UGT2A2: variants seen among roughly 807,000 people sequenced by gnomAD.
UGT2A2 encodes UDP glucuronosyltransferase family 2 member A2.
A neutral mutation model predicts 50.7 loss-of-function variants in UGT2A2; 60 were observed. The ratio of observed to expected loss-of-function variants is 1.18; its 90% confidence interval spans 0.96 to 1.47. The LOEUF (loss-of-function observed/expected upper bound fraction) is 1.47. Ranked by LOEUF, UGT2A2 falls within the 40% of genes most tolerant of loss-of-function variation. The pLI is 0.00. For synonymous variants in UGT2A2, 242 were observed against 214.6 expected (o/e 1.13, Z -1.11); for missense variants, 762 against 634.0 (o/e 1.20, Z -2.17).
At chr4:69,621,760 A>G (rs1194927549) in intron 1 of UGT2A2, among the ~76,000 whole-genome samples, 2 of 152,002 alleles carry the variant, frequency 1.3e-5, no homozygotes, top group African/African-American at 4.8e-5. Flanking sequence ...CTAAATGCCT[A>G]TCAACGACAG....
At chr4:69,596,412 G>A (rs1467387683) in intron 2 of UGT2A2, 31 bp from the exon 3 acceptor site, 3 of 1,471,630 alleles carry the variant, frequency 2.0e-6, no homozygotes, top group South Asian at 1.5e-5. Context: ...CTATTACAAA[G>A]GTGTAGCATC....
intron 1 of UGT2A2, among the ~76,000 whole-genome samples, chr4:69,608,949 C>A (rs1285308447): frequency 1.3e-5 from 2 of 151,992 alleles, no homozygotes; most frequent in African/African-American, 4.8e-5. Flanking sequence ...GCATAAAAAT[C>A]CTTTTTTTAA....
chr4:69,591,070 C>T (rs1302351100), intron 5 of UGT2A2, among the ~76,000 whole-genome samples: 1 of 152,040 alleles, frequency 6.6e-6, no homozygotes, highest in Non-Finnish European at 1.5e-5. Context: ...AATTTTTAGG[C>T]ATTTATTTAG....
At chr4:69,600,623 TA>T (rs1281637235) in intron 1 of UGT2A2, among the ~76,000 whole-genome samples, 1 of 152,128 alleles carries the variant, frequency 6.6e-6, no homozygotes, top group African/African-American at 2.4e-5. Flanking sequence ...CTGAGTAATT[TA>T]TTTTTTTAAA....
chr4:69,598,502 TA>T (rs1719066320), intron 2 of UGT2A2, among the ~76,000 whole-genome samples: 1 of 152,156 alleles, frequency 6.6e-6, no homozygotes, highest in African/African-American at 2.4e-5. Context: ...AACCTGACAC[TA>T]TATTTATAAA....
intron 5 of UGT2A2, among the ~76,000 whole-genome samples, chr4:69,591,406 T>C (rs977468026): frequency 2.6e-5 from 4 of 152,140 alleles, no homozygotes; most frequent in African/African-American, 9.7e-5. Context: ...TGACAATTGG[T>C]TGAGTTTCTC....
At position 69,639,431 on chromosome 4, in the gene UGT2A2, G is replaced by A; in HGVS notation, c.210C>T (p.Ile70=). 1 of 1,613,198 alleles carries A rather than the reference G, an allele frequency of 6.2e-7. No homozygotes were observed. The highest frequency in any genetic ancestry group is 8.5e-7 in the Non-Finnish European group (1 of 1,179,540). Residue 70 remains isoleucine (I), a synonymous_variant, in exon 1 of 6, where the codon ATC becomes ATT. Transcript: ENST00000604629. ...TCACAGGAGAATCGGGATTGGAGTTGATGAATAGAGTTGCTGATGAAGCCA... is the reference window on the plus strand; with the variant it reads ...TCACAGGAGAATCGGGATTGGAGTTAATGAATAGAGTTGCTGATGAAGCCA... The part of the protein sequence containing the change: ...TVLASSATLF[I]NSNPDSPVNF...
rs370581731 is a variant in UGT2A2 at position 69,594,506 on chromosome 4, G to A, written c.1302C>T (p.Ser434=). 3.1e-6 allele frequency: 5 copies of A among 1,614,090 alleles called. No homozygotes were observed. Among genetic ancestry groups the A allele is most frequent in the Admixed American group, 1.7e-5 (1 of 59,996 alleles). ...LNTMTSVDLL[S]ALRTVINEPS... The stretch of plus-strand genomic sequence containing the variant: ...GTTCATTAATGACTGTTCTCAAAGC[G>A]CTAAGCAAATCCACACTTGTCATTG... The change falls in exon 5 of 6, where the codon AGC becomes AGT. Residue 434 remains serine (S), a synonymous_variant. Transcript: ENST00000604629.
chr4:69,624,332 C>A (rs1012593939), intron 1 of UGT2A2, among the ~76,000 whole-genome samples: 1 of 151,296 alleles, frequency 6.6e-6, no homozygotes, highest in African/African-American at 2.4e-5. Flanking sequence ...GGTATATTCT[C>A]ATTTTATTTT....
rs574349349 is a variant in UGT2A2, at chr4:69,611,028, T to C, written c.743-11634A>G. Among the ~76,000 whole-genome samples, 6 of 152,286 alleles carry C rather than the reference T, an allele frequency of 3.9e-5. No homozygotes were observed. The South Asian group carries it at 6.2e-4, about 16-fold the overall frequency. On this transcript the variant is annotated intron_variant, in intron 1 of 5. Transcript: ENST00000604629. ...TTCATGGATTTAGATGAAAGCTGTG[T>C]ACATAAAAATTAGAAAGCAAAACCA... is the stretch of plus-strand genomic sequence containing the variant.
chr4:69,594,594 T>C lies in UGT2A2; in HGVS notation c.1214A>G (p.Asp405Gly). The C allele has an allele frequency of 6.2e-7, 1 of 1,614,152 alleles. No individual in the cohort carries two copies. Among genetic ancestry groups the C allele is most frequent in the Non-Finnish European group, 8.5e-7 (1 of 1,180,032 alleles). Residue 405 changes from aspartate to glycine, a missense_variant, in exon 5 of 6, where the codon GAT becomes GGT. Transcript: ENST00000604629. ...VPMVGVPMFA[D>G]QPDNIAHMKA... ...CATGTGAGCAATGTTATCAGGCTGA[T>C]CAGCAAACATGGGAACTCCCACCAT...
At chr4:69,608,995 AG>A (rs1293086603) in intron 1 of UGT2A2, among the ~76,000 whole-genome samples, 2 of 152,152 alleles carry the variant, frequency 1.3e-5, no homozygotes, top group African/African-American at 2.4e-5. Flanking sequence ...AGGAACATAA[AG>A]AAAAATTATA....
chr4:69,590,713 G>T (rs1405283817), intron 5 of UGT2A2, among the ~76,000 whole-genome samples: 1 of 151,858 alleles, frequency 6.6e-6, no homozygotes, highest in Non-Finnish European at 1.5e-5. Flanking sequence ...ATTTCACATG[G>T]ATCATCCGAA....
At chr4:69,617,455 C>T (rs1388647411) in intron 1 of UGT2A2, among the ~76,000 whole-genome samples, 1 of 151,722 alleles carries the variant, frequency 6.6e-6, no homozygotes, top group African/African-American at 2.4e-5. Flanking sequence ...TATTATAAAA[C>T]AAATTATGTG....
At chr4:69,615,273 C>A (rs1278168651) in intron 1 of UGT2A2, among the ~76,000 whole-genome samples, 2 of 151,826 alleles carry the variant, frequency 1.3e-5, no homozygotes, top group Non-Finnish European at 2.9e-5. Context: ...GATTTAAAAC[C>A]CGAAACTTTG....
chr4:69,621,523 A>G (rs1215378304), intron 1 of UGT2A2, among the ~76,000 whole-genome samples: 7 of 152,022 alleles, frequency 4.6e-5, no homozygotes, highest in Admixed American at 3.3e-4. Flanking sequence ...GAGGTTGCAG[A>G]GAAAAGGAAA....
chr4:69,606,434 G>C (rs1480028197), intron 1 of UGT2A2, among the ~76,000 whole-genome samples: 2 of 136,154 alleles, frequency 1.5e-5, no homozygotes, highest in East Asian at 2.1e-4. Context: ...AAAATAATAA[G>C]AGCTATCTAT....
At chr4:69,599,695 A>AGAG (rs1719150863) in intron 1 of UGT2A2, 9 of 200,442 alleles carry the variant, frequency 4.5e-5, no homozygotes, top group Non-Finnish European at 7.0e-5. Context: ...GAAATAAAGA[A>AGAG]AGAGAGAGAG....
chr4:69,600,344 T>C (rs1719204292), intron 1 of UGT2A2, among the ~76,000 whole-genome samples: 1 of 152,194 alleles, frequency 6.6e-6, no homozygotes, highest in African/African-American at 2.4e-5. Flanking sequence ...CTCCTAATCC[T>C]ATATCACAAG....
Sources: allele counts gnomAD v4.1 joint callset (sites outside exome capture counted in the v4.1 genomes callset), GRCh38; gene constraint gnomAD v4.1.1; transcripts MANE v1.5; gene names NCBI Gene and HGNC (gene_info 2026-07-23, HGNC 2026-07-21).